SH3RF3: variants seen among roughly 807,000 people sequenced by gnomAD.
SH3RF3 encodes SH3 domain containing ring finger 3.
SH3RF3 carries 29 observed loss-of-function variants against 66.3 expected under a neutral mutation model. That is an observed-to-expected ratio of 0.44 (90% CI 0.33 to 0.60). SH3RF3 has a LOEUF of 0.60. Among genes scored for constraint, SH3RF3 ranks in the 20% least tolerant of loss-of-function variants. The probability of loss-of-function intolerance (pLI) is 0.04; values close to 1 mark genes in which losing one functional copy is unlikely to be tolerated. For missense variants in SH3RF3, 1,194 were observed against 1,190.9 expected, an observed-to-expected ratio of 1.00 and a Z score of -0.04; for synonymous variants, 583 against 532.0, an observed-to-expected ratio of 1.10 and a Z score of -1.32.
intron 8 of SH3RF3, among the ~76,000 whole-genome samples, chr2:109,470,580 A>G (rs1678478259): frequency 6.6e-6 from 1 of 152,222 alleles, no homozygotes; most frequent in African/African-American, 2.4e-5. Context: ...TGCAGAGCTG[A>G]ACAAGGCAGT....
intron 1 of SH3RF3, among the ~76,000 whole-genome samples, chr2:109,276,210 C>A (rs1231937533): frequency 6.6e-6 from 1 of 152,172 alleles, no homozygotes; most frequent in Non-Finnish European, 1.5e-5. Context: ...CCCACATCAC[C>A]ATATGTGTGA....
chr2:109,423,939 A>G (rs1676959276), intron 5 of SH3RF3, among the ~76,000 whole-genome samples: 1 of 151,926 alleles, frequency 6.6e-6, no homozygotes, highest in East Asian at 1.9e-4. Flanking sequence ...AGAGCAGAGA[A>G]TTTTATTGAG....
chr2:109,134,061 A>G (rs1388562314), intron 1 of SH3RF3, among the ~76,000 whole-genome samples: 3 of 152,194 alleles, frequency 2.0e-5, no homozygotes, highest in Non-Finnish European at 2.9e-5. Flanking sequence ...AACTGCTTAT[A>G]TACCCGAGAT....
chr2:109,241,438 A>C (rs1287377238), intron 1 of SH3RF3, among the ~76,000 whole-genome samples: 1 of 152,332 alleles, frequency 6.6e-6, no homozygotes, highest in Admixed American at 6.5e-5. Flanking sequence ...GCTGGAAGAA[A>C]TACTTTAGGA....
intron 5 of SH3RF3, among the ~76,000 whole-genome samples, chr2:109,431,877 A>C (rs1197539236): frequency 6.6e-6 from 1 of 152,174 alleles, no homozygotes; most frequent in African/African-American, 2.4e-5. Context: ...TTTCAAAAAA[A>C]AAAAGGTCAA....
chr2:109,347,982 C>G (rs1344134048), intron 2 of SH3RF3, 33 bp downstream of exon 2: 5 of 1,566,490 alleles, frequency 3.2e-6, no homozygotes, highest in Admixed American at 3.7e-5. Context: ...CCCCGCCAGC[C>G]CATGCAGCCT....
intron 1 of SH3RF3, among the ~76,000 whole-genome samples, chr2:109,174,925 A>G (rs1172743994): frequency 6.6e-6 from 1 of 152,240 alleles, no homozygotes; most frequent in East Asian, 1.9e-4. Flanking sequence ...ATGTCATCTA[A>G]TGGGGAGAGT....
At chr2:109,372,187 G>T (rs1251250859) in intron 3 of SH3RF3, among the ~76,000 whole-genome samples, 1 of 152,232 alleles carries the variant, frequency 6.6e-6, no homozygotes, top group African/African-American at 2.4e-5. Flanking sequence ...CACAGCAAAG[G>T]TGTTTTGAGG....
intron 3 of SH3RF3, among the ~76,000 whole-genome samples, 176 bp from the exon 4 acceptor site, chr2:109,398,413 AC>A (rs1389491186): frequency 2.0e-5 from 3 of 151,658 alleles, no homozygotes; most frequent in African/African-American, 7.3e-5. Flanking sequence ...TGCTCCAAAA[AC>A]CTTTTCAATA....
intron 1 of SH3RF3, among the ~76,000 whole-genome samples, chr2:109,138,477 G>C (rs1299017628): frequency 6.6e-6 from 1 of 152,230 alleles, no homozygotes; most frequent in African/African-American, 2.4e-5. Flanking sequence ...GTAAAAATTA[G>C]CTTGGTGCTG....
chr2:109,495,309 G>C (rs1679229660), intron 9 of SH3RF3, among the ~76,000 whole-genome samples: 1 of 152,100 alleles, frequency 6.6e-6, no homozygotes, highest in South Asian at 2.1e-4. Context: ...GGTCTGTTCT[G>C]GTGCAGGGCC....
intron 1 of SH3RF3, among the ~76,000 whole-genome samples, chr2:109,288,149 T>C (rs1681081869): frequency 6.6e-6 from 1 of 152,180 alleles, no homozygotes. Context: ...TGAACCTTGG[T>C]TTCCAAGAAG....
At position 109,415,166 on chromosome 2, in the gene SH3RF3, A is replaced by G. The variant is rs1368640575; in HGVS notation, c.1300-4373A>G. On this transcript the variant is annotated intron_variant, in intron 4 of 9. Transcript: ENST00000309415. ...GGCAGGGAATTGGAGTCTCCTCCAG[A>G]CTCCCAGAGGGAACACAGCCCTGCC... Among the ~76,000 whole-genome samples, 3 of 151,998 alleles carry G rather than the reference A, an allele frequency of 2.0e-5. No individual in the cohort carries two copies. The South Asian group carries it at 6.2e-4, about 32-fold the overall frequency.
chr2:109,222,138 T>A (rs1679266670), intron 1 of SH3RF3, among the ~76,000 whole-genome samples: 1 of 149,648 alleles, frequency 6.7e-6, no homozygotes, highest in Non-Finnish European at 1.5e-5. Flanking sequence ...ATGTGGAAGC[T>A]AAAAAAGGTG....
chr2:109,397,280 G>A (rs1394003134), intron 3 of SH3RF3, among the ~76,000 whole-genome samples: 10 of 149,102 alleles, frequency 6.7e-5, no homozygotes, highest in Admixed American at 6.6e-4. Flanking sequence ...GAGGGCAGCT[G>A]GCATTTACTC....
intron 6 of SH3RF3, among the ~76,000 whole-genome samples, chr2:109,435,755 G>A (rs962729194): frequency 1.3e-5 from 2 of 152,218 alleles, no homozygotes; most frequent in South Asian, 4.1e-4. Flanking sequence ...TCATTTGTGA[G>A]CCCACTTTAT....
At chr2:109,289,018 T>C (rs937667147) in intron 1 of SH3RF3, among the ~76,000 whole-genome samples, 5 of 152,222 alleles carry the variant, frequency 3.3e-5, no homozygotes, top group Middle Eastern at 3.2e-3. Flanking sequence ...GAAAATGGCA[T>C]TGTGTTGCTC....
chr2:109,356,376 A>G (rs1032338314), intron 2 of SH3RF3, among the ~76,000 whole-genome samples: 24 of 152,190 alleles, frequency 1.6e-4, no homozygotes, highest in Admixed American at 1.6e-3. Flanking sequence ...AGCTAGGTCT[A>G]TGTTGGACTT....
chr2:109,379,323 T>C (rs1372675911), intron 3 of SH3RF3, among the ~76,000 whole-genome samples: 1 of 152,218 alleles, frequency 6.6e-6, no homozygotes, highest in Non-Finnish European at 1.5e-5. Flanking sequence ...GGACTTTTCC[T>C]TAGATGAGGA....
Sources: gnomAD v4.1 joint callset for allele counts (sites outside exome capture counted in the v4.1 genomes callset) on GRCh38, gnomAD v4.1.1 for gene constraint, MANE v1.5 for transcripts, NCBI Gene and HGNC (gene_info 2026-07-23, HGNC 2026-07-21) for gene names.